BPIFB6: variants seen among roughly 807,000 people sequenced by gnomAD.
BPIFB6 encodes the protein BPI fold containing family B member 6.
A neutral mutation model predicts 54.7 loss-of-function variants in BPIFB6; 47 were observed. The ratio of observed to expected loss-of-function variants is 0.86; its 90% CI spans 0.68 to 1.10. The LOEUF (loss-of-function observed/expected upper bound fraction) is 1.10, where lower values mean the gene tolerates loss of function less well. BPIFB6 is among the 50% of genes least tolerant of loss of function. The pLI is 0.00. For synonymous variants in BPIFB6, 255 were observed against 225.9 expected (o/e 1.13, Z -1.16); for missense variants, 603 against 564.1 (o/e 1.07, Z -0.70).
In BPIFB6 at chr20:33,039,366, A is replaced by T; in HGVS notation, c.920A>T (p.Lys307Met). Residue 307 changes from lysine to methionine, a missense_variant, in exon 10 of 15, where the codon AAG becomes ATG. Lys to Met is a moderately conservative substitution (Grantham distance 95, BLOSUM62 -1). Coordinates refer to ENST00000349552, the MANE Select transcript of BPIFB6 (RefSeq NM_174897.2). ...FIPEVAVAYP[K>M]SKPLTTQIKI... ...CTGTAGGTGGCTGTAGCTTATCCCA[A>T]GTCAAAGCCCTTGACGACCCAGATC... 1 of 1,612,544 alleles carries T rather than the reference A, an allele frequency of 6.2e-7. No individual in the cohort carries two copies. Among genetic ancestry groups the T allele is most frequent in the Non-Finnish European group, 8.5e-7 (1 of 1,179,564 alleles).
At chr20:33,036,944 G>A (rs1019967384) in intron 7 of BPIFB6, among the ~76,000 whole-genome samples, 1 of 152,090 alleles carries the variant, frequency 6.6e-6, no homozygotes, top group African/African-American at 2.4e-5. Context: ...CCATTACCTG[G>A]CCTCCTGAGA....
At chr20:33,043,401 C>T (rs771759357) in intron 14 of BPIFB6, 34 bp downstream of exon 14, 1 of 1,580,156 alleles carries the variant, frequency 6.3e-7, no homozygotes, top group Non-Finnish European at 8.7e-7. Flanking sequence ...TCATGTCAAT[C>T]AACACTGTCA....
intron 12 of BPIFB6, 70 bp downstream of exon 12, chr20:33,042,085 C>T: frequency 1.3e-6 from 2 of 1,485,956 alleles, no homozygotes; most frequent in Non-Finnish European, 1.9e-6. Context: ...CTCGGAACTA[C>T]AGGGCCGAGG....
At chr20:33,041,436 C>A (rs558780604) in intron 11 of BPIFB6, among the ~76,000 whole-genome samples, 1 of 152,242 alleles carries the variant, frequency 6.6e-6, no homozygotes, top group Non-Finnish European at 1.5e-5. Context: ...TAGACTCACC[C>A]GAGGGACTTT....
At chr20:33,036,616 G>A in intron 7 of BPIFB6, 80 bp downstream of exon 7, 1 of 1,338,806 alleles carries the variant, frequency 7.5e-7, no homozygotes, top group South Asian at 1.2e-5. Flanking sequence ...GCCAGGACAG[G>A]TGGCTGGACT....
At chr20:33,042,355 G>T (rs1001222259) in intron 12 of BPIFB6, among the ~76,000 whole-genome samples, 2 of 152,212 alleles carry the variant, frequency 1.3e-5, no homozygotes, top group African/African-American at 4.8e-5. Flanking sequence ...ACCCCAGGAG[G>T]TGCCAACACC....
intron 3 of BPIFB6, among the ~76,000 whole-genome samples, chr20:33,034,496 G>T (rs1340896966): frequency 6.6e-6 from 1 of 152,250 alleles, no homozygotes; most frequent in Non-Finnish European, 1.5e-5. Flanking sequence ...GCATTGAACA[G>T]TGGTGGCGGA....
At chr20:33,036,321 G>C (rs1979340137) in intron 6 of BPIFB6, 124 bp from the exon 7 acceptor site, 3 of 740,176 alleles carry the variant, frequency 4.1e-6, no homozygotes, top group East Asian at 2.5e-5. Flanking sequence ...AGGCCCAGAA[G>C]TGCTAAGGAA....
At position 33,033,074 on chromosome 20, in the gene BPIFB6, G is replaced by C; in HGVS notation, c.188G>C (p.Gly63Ala). 1 of 1,613,342 alleles carries C rather than the reference G, an allele frequency of 6.2e-7. No individual in the cohort carries two copies. Among genetic ancestry groups the C allele is most frequent in the Non-Finnish European group, 8.5e-7 (1 of 1,179,308 alleles). The change falls in exon 2 of 15, where the codon GGC becomes GCC. Residue 63 changes from glycine (G) to alanine (A), a missense_variant. Transcript: ENST00000349552. ...KKQPGMKPIK[G>A]ITNLKVKDVQ... ...CAGCCAGGGATGAAACCTATCAAGG[G>C]CATCACCAAGTGAGTAGGGGAGGGG...
Position 33,042,936 on chromosome 20 carries a change from G to T in BPIFB6, c.1252+58G>T, listed in dbSNP as rs1979652709. On this transcript the variant is annotated intron_variant, in intron 13 of 14. Transcript: ENST00000349552. ...CCAAGAAGCACTTTAAGCAATAAGG[G>T]ATGCCACCTGGGTGGTCTCAAAGCC... 5 of 1,531,374 alleles carry T rather than the reference G, an allele frequency of 3.3e-6. No homozygotes were observed. The East Asian group carries it at 1.1e-4, about 34-fold the overall frequency. 94.9% of individuals were successfully genotyped at this position (1,531,374 alleles called of 1,614,324 possible).
intron 7 of BPIFB6, among the ~76,000 whole-genome samples, chr20:33,036,872 A>T (rs987097658): frequency 6.6e-6 from 1 of 152,034 alleles, no homozygotes; most frequent in Non-Finnish European, 1.5e-5. Flanking sequence ...GCAGTGACCT[A>T]CCCAAGGCCA....
chr20:33,035,287 A>G, intron 5 of BPIFB6, 143 bp downstream of exon 5: 2 of 839,672 alleles, frequency 2.4e-6, no homozygotes, highest in South Asian at 3.3e-5. Context: ...GGCTCAGTGG[A>G]AGAAAGTGCC....
chr20:33,043,661 G>A, intron 14 of BPIFB6, among the ~76,000 whole-genome samples: 1 of 152,160 alleles, frequency 6.6e-6, no homozygotes. Flanking sequence ...TGTCCTCATA[G>A]AGCTGTTATT....
At chr20:33,043,927 A>C (rs571088551) in intron 14 of BPIFB6, 88 bp from the exon 15 acceptor site, 1 of 1,529,580 alleles carries the variant, frequency 6.5e-7, no homozygotes, top group African/African-American at 1.4e-5. Flanking sequence ...ACTGGTTTCC[A>C]TTTCCTGACA....
Position 33,037,690 on chromosome 20 carries a change from G to C in BPIFB6, c.798G>C (p.Glu266Asp). The change falls in exon 8 of 15, where the codon GAG becomes GAC. Residue 266 changes from glutamate (E) to aspartate (D), a missense_variant. By Grantham distance (45) the Glu-to-Asp change is conservative. Coordinates refer to ENST00000349552, the MANE Select transcript of BPIFB6 (RefSeq NM_174897.2). ...LLLPATFLSA[E>D]LALLQKSFHV... is the part of the protein sequence containing the mutation. ...TCCCAGCCACCTTCCTCTCTGCAGA[G>C]CTTGCCCTTCTGCAGAAGTCCTTTC... The C allele has an allele frequency of 6.2e-7, 1 of 1,614,172 alleles. No homozygotes were observed. The highest frequency in any genetic ancestry group is 8.5e-7 in the Non-Finnish European group (1 of 1,180,034).
In BPIFB6 at chr20:33,037,449, T is replaced by C. The variant is rs781449311; in HGVS notation, c.670-113T>C. 7.7e-6 allele frequency: 8 copies of C among 1,037,418 alleles called. No homozygotes were observed. In the Admixed American group the frequency reaches 1.3e-4, roughly 17 times the overall value. 64.3% of individuals were successfully genotyped at this position (1,037,418 alleles called of 1,614,324 possible). On this transcript the variant is annotated intron_variant, in intron 7 of 14. Transcript: ENST00000349552. ...TTGTGGTTCTCTTAATAAGATTTAATGATTTGCTGACTTTGGGTTTGGCTG... is the reference window on the plus strand; with the variant it reads ...TTGTGGTTCTCTTAATAAGATTTAACGATTTGCTGACTTTGGGTTTGGCTG...
intron 10 of BPIFB6, 114 bp from the exon 11 acceptor site, chr20:33,040,137 C>T (rs1979516444): frequency 4.3e-6 from 4 of 930,066 alleles, no homozygotes; most frequent in South Asian, 2.8e-5. Flanking sequence ...GAGAAGATCC[C>T]CTGCTTTGTC....
intron 7 of BPIFB6, among the ~76,000 whole-genome samples, chr20:33,036,775 A>T (rs1397009304): frequency 1.3e-5 from 2 of 152,058 alleles, no homozygotes; most frequent in East Asian, 3.9e-4. Context: ...CACACTCATG[A>T]TCCCCGCTAG....
chr20:33,031,852 A>G (rs1019406098), intron 1 of BPIFB6, 108 bp downstream of exon 1: 4 of 842,708 alleles, frequency 4.7e-6, no homozygotes, highest in African/African-American at 1.7e-5. Flanking sequence ...GTGAGCTCCA[A>G]GTAAACTTAT....
Sources: gnomAD v4.1 joint callset for allele counts (sites outside exome capture counted in the v4.1 genomes callset) on GRCh38, gnomAD v4.1.1 for gene constraint, MANE v1.5 for transcripts, NCBI Gene and HGNC (gene_info 2026-07-23, HGNC 2026-07-21) for gene names.